Variants in CDH13 observed in about 807,000 individuals in gnomAD.
CDH13 encodes the protein cadherin-13.
Under a neutral mutation model 63.8 loss-of-function variants are expected in CDH13, and 24 were observed. The ratio of observed to expected loss-of-function variants is 0.38; its 90% CI spans 0.27 to 0.53. CDH13 has a LOEUF of 0.53. CDH13 is among the 20% of genes least tolerant of loss of function. The pLI is 0.85. For missense variants in CDH13, 1,049 were observed against 903.1 expected (o/e 1.16, Z -2.07); for synonymous variants, 503 against 355.3 (o/e 1.42, Z -4.67).
chr16:83,757,640 T>A (rs1408327515), intron 11 of CDH13, among the ~76,000 whole-genome samples: 1 of 151,858 alleles, frequency 6.6e-6, no homozygotes, highest in Non-Finnish European at 1.5e-5. Flanking sequence ...AAAGATTGAA[T>A]AAAATTGTAA....
intron 3 of CDH13, among the ~76,000 whole-genome samples, chr16:83,099,930 C>G (rs1028188434): frequency 1.3e-5 from 2 of 152,134 alleles, no homozygotes; most frequent in Non-Finnish European, 1.5e-5. Flanking sequence ...TTGGTTCATT[C>G]AAAGCACCCA....
chr16:82,704,201 A>T lies in CDH13; in HGVS notation c.45+77064A>T, dbSNP rs376844510. ...TTGTAGTCTTGTGGAAGCAATCCTC[A>T]GCCTTCAGCAGGCTCTAGGGGCACA... is the stretch of plus-strand genomic sequence containing the variant. On this transcript the variant is annotated intron_variant, in intron 1 of 13. Transcript: ENST00000567109. 1.4e-4 allele frequency among the ~76,000 whole-genome samples: 22 copies of T among 152,286 alleles called. No individual in the cohort carries two copies. In the South Asian group the frequency reaches 4.4e-3, roughly 30 times the overall value.
At chr16:82,804,193 A>C (rs1376945433) in intron 1 of CDH13, among the ~76,000 whole-genome samples, 2 of 151,632 alleles carry the variant, frequency 1.3e-5, no homozygotes, top group Admixed American at 1.3e-4. Context: ...ACGCTACTGC[A>C]CTCCAGCCTG....
chr16:83,608,233 G>T (rs1005159052), intron 8 of CDH13, among the ~76,000 whole-genome samples: 1 of 152,090 alleles, frequency 6.6e-6, no homozygotes. Context: ...TAATAAAAAC[G>T]ACATAAAACT....
At chr16:83,097,954 G>GA (rs569457684) in intron 3 of CDH13, among the ~76,000 whole-genome samples, 292 of 150,342 alleles carry the variant, frequency 1.9e-3, no homozygotes, top group African/African-American at 6.2e-3. Flanking sequence ...GGTAACTTTT[G>GA]AAAAAAAAAA....
intron 6 of CDH13, among the ~76,000 whole-genome samples, chr16:83,468,196 G>T (rs1219580719): frequency 6.6e-6 from 1 of 152,160 alleles, no homozygotes; most frequent in African/African-American, 2.4e-5. Context: ...GAAGGGTCTG[G>T]GGATGAGAGT....
At chr16:83,275,410 G>C (rs141024736) in intron 5 of CDH13, among the ~76,000 whole-genome samples, 18 of 152,292 alleles carry the variant, frequency 1.2e-4, no homozygotes, top group African/African-American at 4.3e-4. Context: ...CAGATTAATT[G>C]AATTCAGACA....
chr16:82,709,393 A>G (rs2031741911), intron 1 of CDH13, among the ~76,000 whole-genome samples: 1 of 152,202 alleles, frequency 6.6e-6, no homozygotes, highest in Admixed American at 6.5e-5. Flanking sequence ...TTAAAGCAAC[A>G]GATATGAAGC....
intron 6 of CDH13, among the ~76,000 whole-genome samples, chr16:83,471,298 G>A (rs1176560271): frequency 9.2e-5 from 10 of 108,560 alleles, no homozygotes; most frequent in South Asian, 2.9e-4. Context: ...TTTTTGAGAC[G>A]TAGTTTTACT....
At chr16:83,463,797 T>C (rs2073239930) in intron 6 of CDH13, among the ~76,000 whole-genome samples, 1 of 152,082 alleles carries the variant, frequency 6.6e-6, no homozygotes, top group Non-Finnish European at 1.5e-5. Flanking sequence ...TGAGTGAGAC[T>C]CTGTCTCCAA....
At chr16:82,639,512 C>T in intron 1 of CDH13, 8 of 1,281,428 alleles carry the variant, frequency 6.2e-6, no homozygotes, top group Non-Finnish European at 8.7e-6. Flanking sequence ...GAATTCTTCC[C>T]TAGGGATGCT....
chr16:82,657,095 C>T (rs1320100650), intron 1 of CDH13, among the ~76,000 whole-genome samples: 1 of 151,992 alleles, frequency 6.6e-6, no homozygotes, highest in African/African-American at 2.4e-5. Context: ...AGTAGTTCCC[C>T]AGTTTTCATG....
chr16:82,774,642 C>T (rs1024534100), intron 1 of CDH13, among the ~76,000 whole-genome samples: 6 of 152,240 alleles, frequency 3.9e-5, no homozygotes, highest in African/African-American at 1.4e-4. Flanking sequence ...TTCTTACCAT[C>T]ACCCTGTGTT....
At chr16:82,904,450 G>C (rs2041575919) in intron 2 of CDH13, among the ~76,000 whole-genome samples, 1 of 152,156 alleles carries the variant, frequency 6.6e-6, no homozygotes, top group African/African-American at 2.4e-5. Context: ...GGTTCACCTT[G>C]CTCTGAATCC....
rs144780253 is a variant in CDH13 at position 83,164,592 on chromosome 16, C to T, written c.483+39091C>T. 8.4e-4 allele frequency among the ~76,000 whole-genome samples: 128 copies of T among 151,826 alleles called. 1 individual carries two copies. The East Asian group carries it at 0.021, about 25-fold the overall frequency. ...AGAAATTAGCCAGGCATGGTGGGGG[C>T]GCCTGCAATCCCAGCTACTCAGGAG... On this transcript the variant is annotated intron_variant, in intron 4 of 13. Transcript: ENST00000567109.
At chr16:83,560,534 G>C (rs1415976857) in intron 7 of CDH13, among the ~76,000 whole-genome samples, 1 of 151,958 alleles carries the variant, frequency 6.6e-6, no homozygotes, top group Non-Finnish European at 1.5e-5. Flanking sequence ...GATTGGTGTG[G>C]TATTAGACAA....
chr16:83,749,345 G>T (rs254346), intron 11 of CDH13, among the ~76,000 whole-genome samples: 36,734 of 152,068 alleles, frequency 0.24, 4,995 homozygotes, highest in Non-Finnish European at 0.32. Context: ...TAAGTAGAGA[G>T]TGCTTCAAAA....
Position 83,785,067 on chromosome 16 carries a change from A to G in CDH13, c.2134+1595A>G. ...AGATGGGAGTGGGGACTGAGAAGAA[A>G]TTAGGAAACCTTGTCAAAGCACAGA... is the stretch of plus-strand genomic sequence containing the variant. On this transcript the variant is annotated intron_variant, in intron 13 of 13. Transcript: ENST00000567109. Among the ~76,000 whole-genome samples the G allele has an allele frequency of 1.3e-5, 2 of 152,216 alleles. 1 individual carries two copies. The highest frequency in any genetic ancestry group is 3.8e-4 in the East Asian group (2 of 5,204).
intron 2 of CDH13, among the ~76,000 whole-genome samples, chr16:82,912,733 G>A (rs1399546289): frequency 6.6e-6 from 1 of 152,164 alleles, no homozygotes; most frequent in Non-Finnish European, 1.5e-5. Flanking sequence ...CACGAGGTCA[G>A]GAGATCGAAA....
Sources: allele counts gnomAD v4.1 joint callset (sites outside exome capture counted in the v4.1 genomes callset), GRCh38; gene constraint gnomAD v4.1.1; transcripts MANE v1.5; gene names NCBI Gene and HGNC (gene_info 2026-07-23, HGNC 2026-07-21).